Variants in JARID2 observed in about 807,000 individuals in gnomAD.
The protein encoded by JARID2 is jumonji and AT-rich interaction domain containing 2.
In JARID2, 21 loss-of-function variants were observed where a neutral mutation model predicts 125.6. The observed-to-expected ratio is 0.17, with a 90% CI of 0.12 to 0.24. The LOEUF (loss-of-function observed/expected upper bound fraction) is 0.24. Ranked by LOEUF, JARID2 falls within the 10% of genes least tolerant of loss-of-function variation. The pLI is 1.00. For missense variants in JARID2, 1,303 were observed against 1,639.6 expected, an observed-to-expected ratio of 0.79 and a Z score of 3.55; for synonymous variants, 736 against 661.6, an observed-to-expected ratio of 1.11 and a Z score of -1.73.
chr6:15,359,256 C>T (rs1249169221), intron 1 of JARID2, among the ~76,000 whole-genome samples: 1 of 152,162 alleles, frequency 6.6e-6, no homozygotes, highest in Non-Finnish European at 1.5e-5. Flanking sequence ...TTTCTGCAGT[C>T]TCCCTGCAAG....
At chr6:15,469,359 C>CCCCT (rs1768941218) in intron 5 of JARID2, among the ~76,000 whole-genome samples, 1 of 55,224 alleles carries the variant, frequency 1.8e-5, no homozygotes, top group African/African-American at 8.9e-5. Flanking sequence ...CTCTCTCTCT[C>CCCCT]TCCTCCCCTT....
intron 2 of JARID2, among the ~76,000 whole-genome samples, chr6:15,399,495 G>C (rs984844071): frequency 1.3e-5 from 2 of 152,094 alleles, no homozygotes; most frequent in African/African-American, 4.8e-5. Flanking sequence ...TGATGTCTGT[G>C]TGTGTGTGTG....
At chr6:15,508,539 C>T (rs1423608023) in intron 12 of JARID2, 85 bp downstream of exon 12, 1 of 769,652 alleles carries the variant, frequency 1.3e-6, no homozygotes, top group African/African-American at 1.7e-5. Context: ...AACTTCTTGT[C>T]CAGGTGGTTC....
chr6:15,433,406 C>CTGTG (rs1369798527), intron 3 of JARID2, among the ~76,000 whole-genome samples: 1 of 102,246 alleles, frequency 9.8e-6, no homozygotes, highest in Non-Finnish European at 1.9e-5. Flanking sequence ...ACCCCCATGT[C>CTGTG]TCTCTGTGTG....
Position 15,408,393 on chromosome 6 carries a change from T to TTTTTTTTTTA in JARID2, c.182-1830_182-1829insTTTTTTTTAT, listed in dbSNP as rs533091780. ...TTTTCTCTATGGTAATTTATCCATCTTCTCTTTTTACAGATAAGATAAATA... is the reference window on the plus strand; with the variant it reads ...TTTTCTCTATGGTAATTTATCCATCTTTTTTTTTTATCTCTTTTTACAGATAAGATAAATA... On this transcript the variant is annotated intron_variant, in intron 2 of 17. Coordinates refer to ENST00000341776, the MANE Select transcript of JARID2 (RefSeq NM_004973.4). 1.5e-3 allele frequency among the ~76,000 whole-genome samples: 233 copies of TTTTTTTTTTA among 152,340 alleles called. 1 individual carries two copies. Among genetic ancestry groups the TTTTTTTTTTA allele is most frequent in the East Asian group, 2.1e-3 (11 of 5,190 alleles).
chr6:15,416,090 G>T (rs1270336788), intron 3 of JARID2, among the ~76,000 whole-genome samples: 2 of 152,072 alleles, frequency 1.3e-5, no homozygotes, highest in Non-Finnish European at 2.9e-5. Flanking sequence ...TCAGACGATG[G>T]GCGGCTGGGC....
At chr6:15,313,284 G>A (rs1762075825) in intron 1 of JARID2, among the ~76,000 whole-genome samples, 1 of 152,196 alleles carries the variant, frequency 6.6e-6, no homozygotes, top group Admixed American at 6.5e-5. Flanking sequence ...GTCTGTGTGT[G>A]CCTGAGTATG....
At chr6:15,504,144 G>A (rs1335135485) in intron 8 of JARID2, among the ~76,000 whole-genome samples, 1 of 152,194 alleles carries the variant, frequency 6.6e-6, no homozygotes, top group African/African-American at 2.4e-5. Context: ...AGCAGCCTTT[G>A]TCAGCTGAGG....
chr6:15,437,932 A>C (rs1287722793), intron 3 of JARID2, among the ~76,000 whole-genome samples: 2 of 152,176 alleles, frequency 1.3e-5, no homozygotes, highest in African/African-American at 4.8e-5. Context: ...AATTTTTGGA[A>C]AGGTAAGTGG....
At chr6:15,411,139 CCTGA>C (rs1765858223) in intron 3 of JARID2, among the ~76,000 whole-genome samples, 1 of 151,932 alleles carries the variant, frequency 6.6e-6, no homozygotes, top group African/African-American at 2.4e-5. Flanking sequence ...GGACCAGCTT[CCTGA>C]CTTTTTCTTA....
At position 15,496,575 on chromosome 6, in the gene JARID2, G is replaced by T; in HGVS notation, c.1350G>T (p.Ala450=). The T allele has an allele frequency of 3.7e-6, 6 of 1,604,598 alleles. No homozygotes were observed. The highest frequency in any genetic ancestry group is 4.2e-6 in the Non-Finnish European group (5 of 1,176,778). ...GGAGACTGGAAGAGGCACACCAGGC[G>T]GAGAAGCCGCAGTCGCCCCCCAAGA... ...SKRRLEEAHQ[A]EKPQSPPKKM... The change falls in exon 7 of 18, where the codon GCG becomes GCT. Residue 450 remains alanine, a synonymous_variant. Transcript: ENST00000341776.
At chr6:15,508,860 A>G in intron 12 of JARID2, 1 of 727,658 alleles carries the variant, frequency 1.4e-6, no homozygotes, top group South Asian at 1.6e-5. Context: ...GTTAAGGAAC[A>G]GTAGTAAAAG....
At chr6:15,392,190 A>G (rs950665030) in intron 2 of JARID2, among the ~76,000 whole-genome samples, 3 of 152,094 alleles carry the variant, frequency 2.0e-5, no homozygotes, top group Admixed American at 1.3e-4. Context: ...AGCCACGTTA[A>G]GGTGGCCTAA....
intron 7 of JARID2, among the ~76,000 whole-genome samples, chr6:15,499,452 T>C (rs1241907653): frequency 2.0e-5 from 3 of 152,222 alleles, no homozygotes; most frequent in East Asian, 1.9e-4. Context: ...TCTTGCGTTA[T>C]AATCTACTTA....
chr6:15,374,955 A>G (rs946821155), intron 2 of JARID2, among the ~76,000 whole-genome samples: 2 of 152,236 alleles, frequency 1.3e-5, no homozygotes, highest in African/African-American at 4.8e-5. Flanking sequence ...ATTACAGTTA[A>G]AGTGAATGAA....
chr6:15,438,774 A>G (rs1478291116), intron 3 of JARID2, among the ~76,000 whole-genome samples: 1 of 152,126 alleles, frequency 6.6e-6, no homozygotes, highest in Non-Finnish European at 1.5e-5. Context: ...CACACCTGTA[A>G]TCCCAGCACT....
At position 15,334,332 on chromosome 6, in the gene JARID2, C is replaced by CA. The variant is rs1295159493; in HGVS notation, c.46-39785_46-39784insA. On this transcript the variant is annotated intron_variant, in intron 1 of 17. Transcript: ENST00000341776. ...CTTATGTCACCAATAGGAACATGAG[C>CA]CCTAGAGTTACTTTGGCAGAAGTCA... Among the ~76,000 whole-genome samples the CA allele has an allele frequency of 1.7e-4, 5 of 28,996 alleles. No homozygotes were observed. In the East Asian group the frequency reaches 3.2e-3, roughly 19 times the overall value. The allele number at this position is 28,996 out of a possible 152,430, so 19.0% of individuals were successfully genotyped here. A position where few individuals can be genotyped will look rare whatever the true frequency, so the allele number is the denominator to read the frequency against.
intron 1 of JARID2, among the ~76,000 whole-genome samples, chr6:15,304,963 A>G (rs555658407): frequency 9.2e-5 from 14 of 151,928 alleles, no homozygotes; most frequent in Non-Finnish European, 1.8e-4. Flanking sequence ...TGCTTTTTAC[A>G]ACCAGTTATG....
intron 1 of JARID2, chr6:15,248,790 C>T (rs1161874486): frequency 8.1e-6 from 3 of 369,374 alleles, no homozygotes; most frequent in African/African-American, 4.4e-5. Context: ...CCCTCCTCCT[C>T]CGTGACGTCA....
Sources: allele counts gnomAD v4.1 joint callset (sites outside exome capture counted in the v4.1 genomes callset), GRCh38; gene constraint gnomAD v4.1.1; transcripts MANE v1.5; gene names NCBI Gene and HGNC (gene_info 2026-07-23, HGNC 2026-07-21).